The following PCDH15 variants were observed in gnomAD, a reference collection of about 807,000 sequenced individuals.
The protein encoded by PCDH15 is protocadherin related 15.
PCDH15 carries 129 observed loss-of-function variants against 178.5 expected under a neutral mutation model. The observed-to-expected ratio is 0.72, with a 90% CI of 0.63 to 0.84. The LOEUF (loss-of-function observed/expected upper bound fraction) is 0.84, where lower values mean the gene tolerates loss of function less well. Among genes scored for constraint, PCDH15 ranks in the 40% least tolerant of loss-of-function variants. The probability of loss-of-function intolerance (pLI) is 0.00; values close to 1 mark genes in which losing one functional copy is unlikely to be tolerated. For missense variants in PCDH15, 2,230 were observed against 2,099.9 expected, an observed-to-expected ratio of 1.06 and a Z score of -1.21; for synonymous variants, 800 against 732.0, an observed-to-expected ratio of 1.09 and a Z score of -1.50.
At chr10:55,288,191 G>A (rs1299257850) in intron 1 of PCDH15, among the ~76,000 whole-genome samples, 1 of 149,768 alleles carries the variant, frequency 6.7e-6, no homozygotes, top group East Asian at 1.9e-4. Context: ...TAGAGTAACG[G>A]CACACGTAGG....
chr10:54,069,105 G>A (rs1294003289), intron 17 of PCDH15, among the ~76,000 whole-genome samples: 1 of 152,108 alleles, frequency 6.6e-6, no homozygotes, highest in Non-Finnish European at 1.5e-5. Context: ...CAGTAAAGAA[G>A]ATGTGTTTTT....
At position 53,857,275 on chromosome 10, in the gene PCDH15, A is replaced by T; in HGVS notation, c.3718-12T>A. ...TTGACCACGGAGACCTGAAAGAAGA[A>T]AAAACAGAATTCATTTAATTTTTAC... On this transcript the variant is annotated splice_polypyrimidine_tract_variant and intron_variant, in intron 27 of 37. Coordinates refer to ENST00000644397, the MANE Select transcript of PCDH15 (RefSeq NM_001384140.1). 1 of 1,597,518 alleles carries T rather than the reference A, an allele frequency of 6.3e-7. No individual in the cohort carries two copies. Among genetic ancestry groups the T allele is most frequent in the Non-Finnish European group, 8.6e-7 (1 of 1,165,252 alleles).
intron 1 of PCDH15, among the ~76,000 whole-genome samples, chr10:55,168,458 C>T (rs997505153): frequency 6.6e-6 from 1 of 152,192 alleles, no homozygotes; most frequent in Non-Finnish European, 1.5e-5. Flanking sequence ...GCAGTGACCT[C>T]CTGACTGGAC....
In PCDH15 at chr10:54,511,258, T is replaced by C. The variant is rs147574624; in HGVS notation, c.157+16554A>G. On this transcript the variant is annotated intron_variant, in intron 3 of 37. Transcript: ENST00000644397. ...CTGATCTGCTGACTTTCCTTGTCAG[T>C]ATGAAGTAGTTAGTAGCATACAGGT... Among the ~76,000 whole-genome samples the C allele has an allele frequency of 1.2e-3, 185 of 152,296 alleles. 1 individual carries two copies. The highest frequency in any genetic ancestry group is 4.3e-3 in the African/African-American group (180 of 41,570).
chr10:54,704,865 C>G (rs2095350177), intron 1 of PCDH15, among the ~76,000 whole-genome samples: 1 of 152,068 alleles, frequency 6.6e-6, no homozygotes, highest in Admixed American at 6.6e-5. Context: ...ACCATAAAGG[C>G]ACATGCATGA....
intron 2 of PCDH15, among the ~76,000 whole-genome samples, chr10:54,993,174 G>A (rs555371083): frequency 1.3e-5 from 2 of 152,198 alleles, no homozygotes; most frequent in South Asian, 4.2e-4. Flanking sequence ...TTGAATATGG[G>A]GGTCGATGAG....
chr10:55,218,499 G>A (rs181219847), intron 1 of PCDH15, among the ~76,000 whole-genome samples: 1 of 152,040 alleles, frequency 6.6e-6, no homozygotes, highest in East Asian at 1.9e-4. Context: ...CTTTGGTCTG[G>A]AGAACATCCT....
At chr10:53,848,385 C>T (rs2078118535) in intron 28 of PCDH15, among the ~76,000 whole-genome samples, 1 of 151,874 alleles carries the variant, frequency 6.6e-6, no homozygotes, top group Non-Finnish European at 1.5e-5. Flanking sequence ...CTTATTTTTA[C>T]ACTACAACTA....
upstream of PCDH15, among the ~76,000 whole-genome samples, chr10:55,320,948 CAG>C (rs1043414495): frequency 1.3e-5 from 2 of 151,982 alleles, no homozygotes; most frequent in Non-Finnish European, 2.9e-5. Flanking sequence ...GCTGAAATGA[CAG>C]AAACAGAAAG....
At chr10:53,837,154 T>C (rs923911246) in intron 29 of PCDH15, among the ~76,000 whole-genome samples, 3 of 151,470 alleles carry the variant, frequency 2.0e-5, no homozygotes, top group Non-Finnish European at 4.4e-5. Flanking sequence ...AAAAATCAAA[T>C]TGTAATTGGA....
At chr10:54,906,104 A>G (rs1954717291) in intron 2 of PCDH15, among the ~76,000 whole-genome samples, 1 of 152,070 alleles carries the variant, frequency 6.6e-6, no homozygotes, top group Non-Finnish European at 1.5e-5. Flanking sequence ...CTGCTGAAGA[A>G]CTGCATCTAA....
chr10:54,306,991 T>G (rs2060509682), intron 8 of PCDH15, among the ~76,000 whole-genome samples: 1 of 131,788 alleles, frequency 7.6e-6, no homozygotes, highest in Non-Finnish European at 1.6e-5. Flanking sequence ...TTGGCTTGTT[T>G]GAAATTAAAT....
At chr10:55,177,091 C>T (rs939777893) in intron 1 of PCDH15, among the ~76,000 whole-genome samples, 4 of 152,142 alleles carry the variant, frequency 2.6e-5, no homozygotes, top group African/African-American at 7.2e-5. Flanking sequence ...TATCAGACTT[C>T]AGTGAAGTAC....
In PCDH15 at chr10:53,822,899, A is replaced by G. The variant is rs750801092; in HGVS notation, c.4368-2669T>C. On this transcript the variant is annotated intron_variant, in intron 32 of 37. Coordinates refer to ENST00000644397, the MANE Select transcript of PCDH15 (RefSeq NM_001384140.1). ...TGTTTGTACAGATTCCAGTGTTTTCATTTTCAGCTTTCTGCCTGGTGCCTT... is the reference window on the plus strand; with the variant it reads ...TGTTTGTACAGATTCCAGTGTTTTCGTTTTCAGCTTTCTGCCTGGTGCCTT... 39 of 1,613,814 alleles carry G rather than the reference A, an allele frequency of 2.4e-5. No homozygotes were observed. Among genetic ancestry groups the G allele is most frequent in the Non-Finnish European group, 3.2e-5 (38 of 1,179,974 alleles).
At chr10:55,590,215 A>G (rs1286376042) in intron 2 of PCDH15, among the ~76,000 whole-genome samples, 1 of 151,424 alleles carries the variant, frequency 6.6e-6, no homozygotes, top group African/African-American at 2.4e-5. Context: ...TCACAAGGAC[A>G]AAAAACCAAA....
intron 2 of PCDH15, among the ~76,000 whole-genome samples, chr10:54,587,084 C>A (rs1486131528): frequency 6.6e-6 from 1 of 152,070 alleles, no homozygotes; most frequent in Non-Finnish European, 1.5e-5. Context: ...ACAAATTTTG[C>A]TCCTTGCTCT....
At chr10:54,645,597 G>A (rs1416152990) in intron 2 of PCDH15, among the ~76,000 whole-genome samples, 1 of 152,030 alleles carries the variant, frequency 6.6e-6, no homozygotes, top group Non-Finnish European at 1.5e-5. Context: ...AGACAAGATG[G>A]ACAGAAATTT....
chr10:55,566,597 A>C (rs1490783140), intron 2 of PCDH15, among the ~76,000 whole-genome samples: 2 of 151,846 alleles, frequency 1.3e-5, no homozygotes, highest in African/African-American at 4.8e-5. Flanking sequence ...AGAACCAATA[A>C]ATTAAGTCAC....
At chr10:54,097,624 T>C (rs571263186) in intron 15 of PCDH15, among the ~76,000 whole-genome samples, 1 of 152,294 alleles carries the variant, frequency 6.6e-6, no homozygotes, top group East Asian at 1.9e-4. Context: ...AAGCAGAAAT[T>C]TTGTCTTTTT....
Sources: allele counts gnomAD v4.1 joint callset (sites outside exome capture counted in the v4.1 genomes callset), GRCh38; gene constraint gnomAD v4.1.1; transcripts MANE v1.5; gene names NCBI Gene and HGNC (gene_info 2026-07-23, HGNC 2026-07-21).